Variants in STAU2 observed in about 807,000 individuals in gnomAD.
STAU2 encodes the protein double-stranded RNA-binding protein Staufen homolog 2.
STAU2 carries 20 observed loss-of-function variants against 65.9 expected under a neutral mutation model. The ratio of observed to expected loss-of-function variants is 0.30; its 90% CI spans 0.21 to 0.44. The LOEUF is 0.44. Among genes scored for constraint, STAU2 ranks in the 20% least tolerant of loss-of-function variants. The pLI is 1.00. For missense variants in STAU2, 558 were observed against 683.9 expected (o/e 0.82, Z 2.05); for synonymous variants, 232 against 233.9 (o/e 0.99, Z 0.07).
chr8:73,521,518 AT>A (rs1481313310), intron 13 of STAU2, among the ~76,000 whole-genome samples: 1 of 152,206 alleles, frequency 6.6e-6, no homozygotes, highest in African/African-American at 2.4e-5. Context: ...CTCTTGTAGA[AT>A]TGGATTTTTA....
chr8:73,687,291 T>TATTTATATTTATATTTATAAATATA lies in STAU2; in HGVS notation c.274+1362_274+1363insTATATTTATAAATATAAATATAAAT, dbSNP rs1368585057. On this transcript the variant is annotated intron_variant, in intron 5 of 14. Coordinates refer to ENST00000524300, the MANE Select transcript of STAU2 (RefSeq NM_001164380.2). The stretch of plus-strand genomic sequence containing the variant: ...ATTAATTTACATTTATAAAAATTTA[T>TATTTATATTTATATTTATAAATATA]ATTTATATTTATAAATATAATTTAT... Among the ~76,000 whole-genome samples the TATTTATATTTATATTTATAAATATA allele has an allele frequency of 4.6e-5, 6 of 131,752 alleles. 1 individual carries two copies. Among genetic ancestry groups the TATTTATATTTATATTTATAAATATA allele is most frequent in the Admixed American group, 1.6e-4 (2 of 12,282 alleles). 86.4% of individuals were successfully genotyped at this position (131,752 alleles called of 152,430 possible). A position where few individuals can be genotyped will look rare whatever the true frequency, so the allele number is the denominator to read the frequency against.
At chr8:73,445,831 C>T (rs527533834) in intron 13 of STAU2, among the ~76,000 whole-genome samples, 45 of 152,330 alleles carry the variant, frequency 3.0e-4, no homozygotes, top group Non-Finnish European at 4.6e-4. Context: ...CACCACCATA[C>T]GCTAGAGAAG....
At chr8:73,624,601 A>G (rs1410596461) in intron 6 of STAU2, among the ~76,000 whole-genome samples, 1 of 152,094 alleles carries the variant, frequency 6.6e-6, no homozygotes, top group Non-Finnish European at 1.5e-5. Context: ...ATATTCACTA[A>G]CCTTCCCAGG....
intron 3 of STAU2, among the ~76,000 whole-genome samples, chr8:73,729,330 T>C (rs1805880438): frequency 1.3e-5 from 2 of 152,224 alleles, no homozygotes; most frequent in Non-Finnish European, 2.9e-5. Context: ...TGAAGATTTT[T>C]GCATCTTTAT....
chr8:73,541,004 C>A (rs1405030413), intron 13 of STAU2, among the ~76,000 whole-genome samples: 1 of 152,138 alleles, frequency 6.6e-6, no homozygotes. Context: ...TACCCAAATT[C>A]CAGCTGACTG....
chr8:73,683,477 C>T (rs939463102), intron 5 of STAU2, among the ~76,000 whole-genome samples: 12 of 152,108 alleles, frequency 7.9e-5, no homozygotes, highest in African/African-American at 1.2e-4. Flanking sequence ...ATAAAAGCAT[C>T]TATAACAAAC....
At chr8:73,454,893 T>A (rs180767703) in intron 13 of STAU2, among the ~76,000 whole-genome samples, 1 of 152,320 alleles carries the variant, frequency 6.6e-6, no homozygotes, top group Non-Finnish European at 1.5e-5. Context: ...CAGTGAGAGC[T>A]GCAGCCTATG....
intron 13 of STAU2, among the ~76,000 whole-genome samples, chr8:73,539,848 CAAAAAA>C (rs539856610): frequency 2.3e-5 from 2 of 87,052 alleles, no homozygotes; most frequent in Admixed American, 1.1e-4. Flanking sequence ...CATCCCCATC[CAAAAAA>C]AAAAAAAAAA....
chr8:73,478,974 A>T (rs1227776196), intron 13 of STAU2, among the ~76,000 whole-genome samples: 2 of 152,134 alleles, frequency 1.3e-5, no homozygotes, highest in Non-Finnish European at 2.9e-5. Flanking sequence ...TTCTTTTATT[A>T]AAAATGTATT....
At chr8:73,694,534 G>C (rs1333014226) in intron 4 of STAU2, among the ~76,000 whole-genome samples, 2 of 152,184 alleles carry the variant, frequency 1.3e-5, no homozygotes, top group Non-Finnish European at 2.9e-5. Flanking sequence ...TTACAGAGGA[G>C]GGTAGAGCAA....
chr8:73,449,399 C>G (rs1818673558), intron 13 of STAU2, among the ~76,000 whole-genome samples: 1 of 152,212 alleles, frequency 6.6e-6, no homozygotes, highest in Non-Finnish European at 1.5e-5. Flanking sequence ...CTGAGGACAC[C>G]AGGCAGATTG....
intron 6 of STAU2, among the ~76,000 whole-genome samples, chr8:73,671,066 A>G (rs1005524145): frequency 1.3e-5 from 2 of 152,094 alleles, no homozygotes; most frequent in African/African-American, 4.8e-5. Flanking sequence ...GACAAATCAA[A>G]AAGGATAACA....
chr8:73,701,229 A>G (rs540602813), intron 4 of STAU2, among the ~76,000 whole-genome samples: 10 of 152,300 alleles, frequency 6.6e-5, no homozygotes, highest in Non-Finnish European at 1.3e-4. Context: ...ACATTTCTTG[A>G]GTAATACCCC....
rs115188133 is a variant in STAU2 at position 73,497,959 on chromosome 8, T to A, written c.1530+54053A>T. Among the ~76,000 whole-genome samples the A allele has an allele frequency of 8.5e-3, 1,291 of 151,860 alleles. 4 individuals are homozygous for A. The highest frequency in any genetic ancestry group is 0.029 in the African/African-American group (1,197 of 41,494). On this transcript the variant is annotated intron_variant, in intron 13 of 14. Transcript: ENST00000524300. ...AAATTTTGTTTTAACAAATACACAGTGAAAGCTGGTAATGATACAACTTAT... is the reference window on the plus strand; with the variant it reads ...AAATTTTGTTTTAACAAATACACAGAGAAAGCTGGTAATGATACAACTTAT...
chr8:73,735,004 A>G (rs1392645040), intron 3 of STAU2, among the ~76,000 whole-genome samples: 1 of 152,120 alleles, frequency 6.6e-6, no homozygotes, highest in Non-Finnish European at 1.5e-5. Context: ...GTATGATCAC[A>G]GTTCACTGCA....
chr8:73,427,918 G>A (rs996593329), intron 13 of STAU2, among the ~76,000 whole-genome samples: 1 of 152,144 alleles, frequency 6.6e-6, no homozygotes, highest in African/African-American at 2.4e-5. Context: ...AATTACATTT[G>A]AAATTTTATT....
intron 6 of STAU2, among the ~76,000 whole-genome samples, chr8:73,635,951 C>CACACACACACA (rs35939277): frequency 1.5e-4 from 8 of 54,664 alleles, no homozygotes; most frequent in African/African-American, 3.3e-4. Context: ...CACACACACA[C>CACACACACACA]CCCTGGAACC....
chr8:73,701,657 T>G (rs1326132988), intron 4 of STAU2, among the ~76,000 whole-genome samples: 1 of 152,124 alleles, frequency 6.6e-6, no homozygotes, highest in Non-Finnish European at 1.5e-5. Flanking sequence ...ACAACCACTA[T>G]GGAGAACAGT....
chr8:73,613,843 A>G lies in STAU2; in HGVS notation c.792T>C (p.Ala264=). The G allele has an allele frequency of 6.2e-7, 1 of 1,613,494 alleles. No individual in the cohort carries two copies. Among genetic ancestry groups the G allele is most frequent in the South Asian group, 1.1e-5 (1 of 91,018 alleles). ...TAAGCTCCTGTAAGACGGTGGTCGC[A>G]GCGCGCTTCTTGGAGAGTTTTTTGC... ...GNSKKLSKKR[A]ATTVLQELKK... The change falls in exon 9 of 15, where the codon GCT becomes GCC. Residue 264 remains alanine, a synonymous_variant. Transcript: ENST00000524300.
Sources: allele counts gnomAD v4.1 joint callset (sites outside exome capture counted in the v4.1 genomes callset), GRCh38; gene constraint gnomAD v4.1.1; transcripts MANE v1.5; gene names NCBI Gene and HGNC (gene_info 2026-07-23, HGNC 2026-07-21).